Variants in PRKN observed in about 807,000 individuals in gnomAD.
The protein encoded by PRKN is E3 ubiquitin-protein ligase parkin.
A neutral mutation model predicts 59.5 loss-of-function variants in PRKN; 56 were observed. The ratio of observed to expected loss-of-function variants is 0.94; its 90% CI spans 0.76 to 1.18. PRKN has a LOEUF of 1.18. PRKN is among the 50% of genes most tolerant of loss of function. The probability of loss-of-function intolerance (pLI) is 0.00; values close to 1 mark genes in which losing one functional copy is unlikely to be tolerated. For missense variants in PRKN, 657 were observed against 596.4 expected (o/e 1.10, Z -1.06); for synonymous variants, 250 against 222.1 (o/e 1.13, Z -1.12).
intron 1 of PRKN, among the ~76,000 whole-genome samples, chr6:162,539,154 GTATTTA>G (rs1778827848): frequency 6.6e-6 from 1 of 152,060 alleles, no homozygotes; most frequent in South Asian, 2.1e-4. Flanking sequence ...GCTGTAAAAT[GTATTTA>G]TATTGAGTGT....
chr6:162,095,218 G>T (rs1450542806), intron 4 of PRKN, among the ~76,000 whole-genome samples: 1 of 152,140 alleles, frequency 6.6e-6, no homozygotes, highest in Non-Finnish European at 1.5e-5. Context: ...TATTTTGAAA[G>T]AAATAAGGTC....
chr6:162,470,021 A>G (rs1791651643), intron 1 of PRKN, among the ~76,000 whole-genome samples: 1 of 152,180 alleles, frequency 6.6e-6, no homozygotes, highest in South Asian at 2.1e-4. Flanking sequence ...CTAGGAAACT[A>G]CATGAGGACA....
At chr6:162,550,244 G>C (rs984017709) in intron 1 of PRKN, among the ~76,000 whole-genome samples, 1 of 152,204 alleles carries the variant, frequency 6.6e-6, no homozygotes, top group East Asian at 1.9e-4. Flanking sequence ...AACGAAGCCT[G>C]TCTTAGGTAG....
chr6:161,812,709 T>C (rs1030457277), intron 6 of PRKN, among the ~76,000 whole-genome samples: 10 of 152,098 alleles, frequency 6.6e-5, no homozygotes, highest in Middle Eastern at 3.4e-3. Flanking sequence ...TACTAAAATA[T>C]CCAAAATTAA....
At chr6:162,150,904 T>C (rs1232277198) in intron 4 of PRKN, among the ~76,000 whole-genome samples, 1 of 152,138 alleles carries the variant, frequency 6.6e-6, no homozygotes, top group Non-Finnish European at 1.5e-5. Flanking sequence ...CCTCAATTCA[T>C]GGTCGTTGAA....
intron 9 of PRKN, among the ~76,000 whole-genome samples, chr6:161,412,050 CCTT>C (rs1787585119): frequency 6.6e-6 from 1 of 150,910 alleles, no homozygotes; most frequent in African/African-American, 2.4e-5. Context: ...CTCACTCATT[CCTT>C]CCTCATTCAT....
chr6:162,227,991 T>C (rs1379493256), intron 3 of PRKN, among the ~76,000 whole-genome samples: 1 of 151,754 alleles, frequency 6.6e-6, no homozygotes, highest in East Asian at 1.9e-4. Flanking sequence ...TGTGTTCTTG[T>C]GAGGGCTATT....
rs144857732 is a variant in PRKN, at chr6:161,704,517, C to T, written c.871+81255G>A. 7.7e-3 allele frequency among the ~76,000 whole-genome samples: 1,176 copies of T among 152,240 alleles called. 6 individuals carry two copies. The highest frequency in any genetic ancestry group is 0.012 in the Non-Finnish European group (842 of 67,994). ...CGCTGAATCTGGTTACTCTGGGATT[C>T]GTTTCGTGCCCTTTTTACAGTCTTG... On this transcript the variant is annotated intron_variant, in intron 7 of 11. Transcript: ENST00000366898.
At chr6:162,666,863 G>T (rs534169827) in intron 1 of PRKN, among the ~76,000 whole-genome samples, 1 of 151,978 alleles carries the variant, frequency 6.6e-6, no homozygotes, top group African/African-American at 2.4e-5. Flanking sequence ...AGAGTTTCAG[G>T]ACAAGCAAAT....
rs545510667 is a variant in PRKN, at chr6:162,008,549, A to C, written c.619-35132T>G. ...CCACCAGATAGAAGCTGCAGCAGGA[A>C]CTTGAACAAAGTCTGGTGGTTAATG... On this transcript the variant is annotated intron_variant, in intron 5 of 11. Transcript: ENST00000366898. 2.0e-5 allele frequency among the ~76,000 whole-genome samples: 3 copies of C among 152,318 alleles called. No homozygotes were observed. In the South Asian group the frequency reaches 6.2e-4, roughly 32 times the overall value.
intron 4 of PRKN, among the ~76,000 whole-genome samples, chr6:162,124,098 T>C (rs1330821941): frequency 6.6e-6 from 1 of 152,104 alleles, no homozygotes; most frequent in Non-Finnish European, 1.5e-5. Context: ...AGCCTCTAGT[T>C]AGTTTTAAGC....
intron 7 of PRKN, among the ~76,000 whole-genome samples, chr6:161,724,723 G>A (rs1481478162): frequency 3.9e-5 from 6 of 152,092 alleles, no homozygotes; most frequent in East Asian, 1.9e-4. Context: ...TTATATACCC[G>A]GAGGTCTGGC....
At chr6:162,581,456 T>A (rs948930468) in intron 1 of PRKN, among the ~76,000 whole-genome samples, 1 of 152,200 alleles carries the variant, frequency 6.6e-6, no homozygotes, top group South Asian at 2.1e-4. Context: ...GATCTTCATA[T>A]ACAAAGACAA....
At chr6:162,331,639 CTGAG>C (rs1480219238) in intron 2 of PRKN, among the ~76,000 whole-genome samples, 6 of 152,136 alleles carry the variant, frequency 3.9e-5, no homozygotes, top group South Asian at 4.1e-4. Context: ...ATTTTTCTTT[CTGAG>C]TATCATCACA....
chr6:161,868,246 G>T (rs558694133), intron 6 of PRKN, among the ~76,000 whole-genome samples: 1 of 148,778 alleles, frequency 6.7e-6, no homozygotes, highest in African/African-American at 2.6e-5. Flanking sequence ...ATTATAAGAC[G>T]CAAGATCCTA....
intron 5 of PRKN, among the ~76,000 whole-genome samples, chr6:162,049,749 G>A (rs113357062): frequency 2.0e-5 from 3 of 152,188 alleles, no homozygotes; most frequent in African/African-American, 7.2e-5. Flanking sequence ...GATTTTTAGA[G>A]TTATATTTTT....
In PRKN at chr6:161,439,986, T is replaced by C. The variant is rs185734274; in HGVS notation, c.1084-53109A>G. ...TTTTTTTTTTGACGGAGTCTCACTC[T>C]GCCGCCCAGGCTGGAGTGCAGTGGC... On this transcript the variant is annotated intron_variant, in intron 9 of 11. Transcript: ENST00000366898. Among the ~76,000 whole-genome samples the C allele has an allele frequency of 5.0e-3, 753 of 151,570 alleles. 9 individuals carry two copies. The highest frequency in any genetic ancestry group is 0.016 in the African/African-American group (666 of 41,308).
intron 7 of PRKN, among the ~76,000 whole-genome samples, chr6:161,667,069 G>A (rs1184808194): frequency 1.3e-5 from 2 of 152,194 alleles, no homozygotes; most frequent in Non-Finnish European, 2.9e-5. Flanking sequence ...CACAGCCAAG[G>A]AAAGTCTGGC....
rs759537830 is a variant in PRKN at position 162,341,902 on chromosome 6, T to TA, written c.172-79138_172-79137insT. ...TACATGTATACCACAACCTAATGTA[T>TA]TAAAAAAAAAAAAACTCCTGGTGTC... is the stretch of plus-strand genomic sequence containing the variant. On this transcript the variant is annotated intron_variant, in intron 2 of 11. Transcript: ENST00000366898. Among the ~76,000 whole-genome samples, 164 of 145,878 alleles carry TA rather than the reference T, an allele frequency of 1.1e-3. 1 individual carries two copies. The highest frequency in any genetic ancestry group is 3.7e-3 in the Middle Eastern group (1 of 270).
Sources: gnomAD v4.1 joint callset for allele counts (sites outside exome capture counted in the v4.1 genomes callset) on GRCh38, gnomAD v4.1.1 for gene constraint, MANE v1.5 for transcripts, NCBI Gene and HGNC (gene_info 2026-07-23, HGNC 2026-07-21) for gene names.